Variants in JMJD1C observed in about 807,000 individuals in gnomAD.
The protein encoded by JMJD1C is jumonji domain containing 1C.
In JMJD1C, 31 loss-of-function variants were observed where a neutral mutation model predicts 245.3. The observed-to-expected ratio is 0.13, with a 90% CI of 0.09 to 0.17. JMJD1C has a LOEUF of 0.17. Among genes scored for constraint, JMJD1C ranks in the 10% least tolerant of loss-of-function variants. The pLI is 1.00. For missense variants in JMJD1C, 2,691 were observed against 3,000.2 expected (o/e 0.90, Z 2.41); for synonymous variants, 1,057 against 1,017.4 (o/e 1.04, Z -0.74).
At chr10:63,287,486 A>G (rs1021340240) in intron 2 of JMJD1C, among the ~76,000 whole-genome samples, 2 of 152,256 alleles carry the variant, frequency 1.3e-5, no homozygotes, top group South Asian at 2.1e-4. Context: ...CATTAGAAAC[A>G]TAAGAAAATA....
chr10:63,486,261 A>T (rs1465617222), intron 1 of JMJD1C, among the ~76,000 whole-genome samples: 1 of 151,770 alleles, frequency 6.6e-6, no homozygotes, highest in Non-Finnish European at 1.5e-5. Flanking sequence ...TTTAAGGGAC[A>T]GCAGGGGCAG....
intron 3 of JMJD1C, among the ~76,000 whole-genome samples, chr10:63,226,376 T>C (rs891655736): frequency 4.6e-5 from 7 of 152,120 alleles, no homozygotes; most frequent in African/African-American, 1.7e-4. Flanking sequence ...GCTGAATGAC[T>C]GCTTGGATGA....
intron 1 of JMJD1C, among the ~76,000 whole-genome samples, chr10:63,414,817 G>C (rs61853587): frequency 0.14 from 20,981 of 151,256 alleles, 2,088 homozygotes; most frequent in East Asian, 0.29. Flanking sequence ...TGAGACAGGA[G>C]AATCACTTGA....
intron 1 of JMJD1C, among the ~76,000 whole-genome samples, chr10:63,410,401 G>T (rs1949412131): frequency 6.6e-6 from 1 of 152,114 alleles, no homozygotes; most frequent in South Asian, 2.1e-4. Context: ...AAATGTAACA[G>T]AAAAGGTTAC....
intron 22 of JMJD1C, among the ~76,000 whole-genome samples, chr10:63,182,423 A>G (rs1293645884): frequency 6.6e-6 from 1 of 152,224 alleles, no homozygotes; most frequent in Non-Finnish European, 1.5e-5. Flanking sequence ...AGCAATAGTA[A>G]ATTTCAGACC....
At chr10:63,443,928 T>C (rs1951540259) in intron 1 of JMJD1C, among the ~76,000 whole-genome samples, 1 of 152,174 alleles carries the variant, frequency 6.6e-6, no homozygotes, top group African/African-American at 2.4e-5. Context: ...AACAAACATG[T>C]TTCTAAATAT....
chr10:63,251,995 C>T (rs1289527027), intron 3 of JMJD1C, among the ~76,000 whole-genome samples: 1 of 152,148 alleles, frequency 6.6e-6, no homozygotes, highest in Non-Finnish European at 1.5e-5. Flanking sequence ...CCTGGGGTGA[C>T]AGAGCAAGAC....
At chr10:63,477,197 A>G (rs1348179505) in intron 1 of JMJD1C, among the ~76,000 whole-genome samples, 1 of 152,186 alleles carries the variant, frequency 6.6e-6, no homozygotes, top group Non-Finnish European at 1.5e-5. Flanking sequence ...AATCCCAATC[A>G]AAATGATGGT....
chr10:63,389,678 A>G (rs567937618), intron 1 of JMJD1C, among the ~76,000 whole-genome samples: 44 of 152,230 alleles, frequency 2.9e-4, no homozygotes, highest in African/African-American at 1.0e-3. Context: ...AATTTTTAAA[A>G]ATTAGAATTG....
At chr10:63,347,012 G>C (rs1390876249) in intron 2 of JMJD1C, among the ~76,000 whole-genome samples, 1 of 151,722 alleles carries the variant, frequency 6.6e-6, no homozygotes, top group Non-Finnish European at 1.5e-5. Context: ...GGCCCCTCAG[G>C]GATGACATTT....
intron 2 of JMJD1C, among the ~76,000 whole-genome samples, chr10:63,267,520 C>G (rs1218932900): frequency 6.6e-6 from 1 of 152,072 alleles, no homozygotes; most frequent in Non-Finnish European, 1.5e-5. Flanking sequence ...AGAACTCATG[C>G]ATAACTAATT....
chr10:63,189,140 G>T, intron 18 of JMJD1C, 28 bp downstream of exon 18: 1 of 1,562,304 alleles, frequency 6.4e-7, no homozygotes. Context: ...TCCACCAAGA[G>T]TGTTCTTTAT....
chr10:63,301,581 T>C (rs1372264724), intron 2 of JMJD1C, among the ~76,000 whole-genome samples: 1 of 152,070 alleles, frequency 6.6e-6, no homozygotes, highest in Non-Finnish European at 1.5e-5. Flanking sequence ...ACACCGCGTG[T>C]TTTCACTCAT....
intron 10 of JMJD1C, chr10:63,203,669 A>C (rs1846274516): frequency 1.0e-6 from 1 of 982,830 alleles, no homozygotes; most frequent in Admixed American, 6.1e-5. Context: ...GCTGACTTTT[A>C]ATTAAGAGAA....
chr10:63,507,650 A>AAAAAAAAAAAAAG, intron 1 of JMJD1C, among the ~76,000 whole-genome samples: 1 of 149,432 alleles, frequency 6.7e-6, no homozygotes, highest in Non-Finnish European at 1.5e-5. Flanking sequence ...GTCTCAAAAA[A>AAAAAAAAAAAAAG]AAAAAAAAAA....
At chr10:63,228,552 A>G (rs1849583102) in intron 3 of JMJD1C, among the ~76,000 whole-genome samples, 1 of 152,216 alleles carries the variant, frequency 6.6e-6, no homozygotes, top group Non-Finnish European at 1.5e-5. Flanking sequence ...GATAAAAACA[A>G]GAAGCAGGCT....
intron 2 of JMJD1C, chr10:63,301,714 G>C: frequency 4.4e-6 from 2 of 450,388 alleles, no homozygotes; most frequent in Non-Finnish European, 8.9e-6. Flanking sequence ...CATATGCAGG[G>C]ATTAAAACCT....
chr10:63,296,696 T>G (rs1387918572), intron 2 of JMJD1C, among the ~76,000 whole-genome samples: 1 of 152,172 alleles, frequency 6.6e-6, no homozygotes, highest in African/African-American at 2.4e-5. Flanking sequence ...CCATTTTGGG[T>G]TACAAATAAT....
At chr10:63,304,483 TTA>T (rs1255677006) in intron 2 of JMJD1C, among the ~76,000 whole-genome samples, 1 of 152,136 alleles carries the variant, frequency 6.6e-6, no homozygotes, top group Non-Finnish European at 1.5e-5. Context: ...GGAAAAGGAC[TTA>T]AAAAGAAATA....
Sources: gnomAD v4.1 joint callset for allele counts (sites outside exome capture counted in the v4.1 genomes callset) on GRCh38, gnomAD v4.1.1 for gene constraint, MANE v1.5 for transcripts, NCBI Gene and HGNC (gene_info 2026-07-23, HGNC 2026-07-21) for gene names.